B3GALT1: variants seen among roughly 807,000 people sequenced by gnomAD.
The protein encoded by B3GALT1 is UDP-Gal:betaGlcNAc beta 1,3-galactosyltransferase, polypeptide 1.
A neutral mutation model predicts 23.2 loss-of-function variants in B3GALT1; 10 were observed. The observed-to-expected ratio is 0.43, with a 90% CI of 0.27 to 0.73. B3GALT1 has a LOEUF of 0.73. B3GALT1 is among the 30% of genes least tolerant of loss of function. The probability of loss-of-function intolerance (pLI) is 0.21; values close to 1 mark genes in which losing one functional copy is unlikely to be tolerated. For synonymous variants in B3GALT1, 156 were observed against 141.5 expected, an observed-to-expected ratio of 1.10 and a Z score of -0.73; for missense variants, 299 against 405.4, an observed-to-expected ratio of 0.74 and a Z score of 2.25.
At chr2:167,370,224 A>G (rs1697660469) in intron 1 of B3GALT1, among the ~76,000 whole-genome samples, 1 of 151,974 alleles carries the variant, frequency 6.6e-6, no homozygotes. Flanking sequence ...AGTTTAGTTT[A>G]GATTCCCGCC....
intron 4 of B3GALT1, among the ~76,000 whole-genome samples, chr2:167,834,478 A>G (rs938173924): frequency 1.3e-5 from 2 of 152,236 alleles, no homozygotes; most frequent in African/African-American, 4.8e-5. Flanking sequence ...GAAGATGACA[A>G]GTCTCCTAAT....
intron 2 of B3GALT1, among the ~76,000 whole-genome samples, chr2:167,516,321 T>C (rs937038375): frequency 6.6e-6 from 1 of 152,148 alleles, no homozygotes; most frequent in Non-Finnish European, 1.5e-5. Context: ...CCTCAACACT[T>C]CTGCCTAAGC....
At chr2:167,667,257 T>G (rs1686216173) in intron 3 of B3GALT1, among the ~76,000 whole-genome samples, 1 of 152,184 alleles carries the variant, frequency 6.6e-6, no homozygotes, top group Non-Finnish European at 1.5e-5. Flanking sequence ...ATTCTTTTCT[T>G]TAAGAATGTT....
At chr2:167,809,652 C>G (rs917711111) in intron 3 of B3GALT1, among the ~76,000 whole-genome samples, 1 of 152,182 alleles carries the variant, frequency 6.6e-6, no homozygotes, top group Non-Finnish European at 1.5e-5. Flanking sequence ...GAAGTTTTGT[C>G]TCAGAGGAGT....
chr2:167,362,480 A>AT (rs1409539052), intron 1 of B3GALT1, among the ~76,000 whole-genome samples: 11 of 151,850 alleles, frequency 7.2e-5, no homozygotes, highest in Non-Finnish European at 5.9e-5. Flanking sequence ...TAATAAGAGC[A>AT]TTTTTCCGAA....
At chr2:167,463,237 G>A (rs1699292569) in intron 1 of B3GALT1, among the ~76,000 whole-genome samples, 1 of 151,902 alleles carries the variant, frequency 6.6e-6, no homozygotes, top group Non-Finnish European at 1.5e-5. Context: ...ATCTATAAGG[G>A]CAGAATCTTT....
intron 3 of B3GALT1, among the ~76,000 whole-genome samples, chr2:167,747,319 C>T (rs938143433): frequency 6.6e-6 from 1 of 152,090 alleles, no homozygotes; most frequent in East Asian, 1.9e-4. Context: ...AGGGCATTGC[C>T]CCTTATCAAA....
intron 3 of B3GALT1, among the ~76,000 whole-genome samples, chr2:167,772,561 G>T (rs928299758): frequency 6.6e-6 from 1 of 152,198 alleles, no homozygotes; most frequent in Admixed American, 6.5e-5. Context: ...TTTATAGCTT[G>T]TAGAAATGCT....
intron 1 of B3GALT1, among the ~76,000 whole-genome samples, chr2:167,459,667 A>G (rs1052755127): frequency 2.6e-5 from 4 of 152,152 alleles, no homozygotes; most frequent in Non-Finnish European, 4.4e-5. Flanking sequence ...AGCTTTTACA[A>G]TGGTTCATGG....
At chr2:167,562,320 G>T (rs967102985) in intron 2 of B3GALT1, among the ~76,000 whole-genome samples, 1 of 152,106 alleles carries the variant, frequency 6.6e-6, no homozygotes, top group Non-Finnish European at 1.5e-5. Context: ...AATAATAAGA[G>T]CTATCTATGA....
intron 3 of B3GALT1, chr2:167,713,906 T>TG (rs1687102247): frequency 2.5e-6 from 4 of 1,580,482 alleles, no homozygotes; most frequent in Middle Eastern, 1.7e-4. Flanking sequence ...TGGAGGAGGT[T>TG]GGGGGAAAGG....
intron 2 of B3GALT1, among the ~76,000 whole-genome samples, chr2:167,554,619 A>T (rs1204332196): frequency 6.6e-6 from 1 of 152,208 alleles, no homozygotes; most frequent in African/African-American, 2.4e-5. Flanking sequence ...ATGCAATAAG[A>T]GTAAAGACTA....
In B3GALT1 at chr2:167,873,006, A is replaced by G. The variant is rs1489856454; in HGVS notation, c.*2986A>G. Reference sequence around the variant, plus strand: ...TGTTCAAAAAATGTTTAAGTGATCAAGAAAAAGCTCTAACTTTCGACTTTT... The same window carrying G: ...TGTTCAAAAAATGTTTAAGTGATCAGGAAAAAGCTCTAACTTTCGACTTTT... On this transcript the variant is annotated 3_prime_UTR_variant, in exon 5 of 5. Coordinates refer to ENST00000392690, the MANE Select transcript of B3GALT1 (RefSeq NM_020981.4). The G allele has an allele frequency of 6.6e-6, 1 of 152,218 alleles. No homozygotes were observed. Among genetic ancestry groups the G allele is most frequent in the Non-Finnish European group, 1.5e-5 (1 of 68,040 alleles). The allele number at this position is 152,218 out of a possible 1,614,324, so 9.4% of individuals were successfully genotyped here.
chr2:167,661,849 AG>A (rs1171764522), intron 3 of B3GALT1, among the ~76,000 whole-genome samples: 7 of 152,142 alleles, frequency 4.6e-5, no homozygotes, highest in Non-Finnish European at 1.0e-4. Context: ...AGATGCTTTC[AG>A]GTTCCGGACT....
At chr2:167,564,415 AC>A (rs2105393856) in intron 2 of B3GALT1, among the ~76,000 whole-genome samples, 1 of 148,862 alleles carries the variant, frequency 6.7e-6, no homozygotes, top group African/African-American at 2.5e-5. Flanking sequence ...CACATCCCAG[AC>A]GATGGGCGGC....
intron 3 of B3GALT1, among the ~76,000 whole-genome samples, chr2:167,673,851 A>G (rs4667960): frequency 0.98 from 149,509 of 152,112 alleles, 73,531 homozygotes; most frequent in Middle Eastern, 1. Context: ...ATATTTTCAC[A>G]GACCTCTGAC....
At chr2:167,491,483 C>CTTTTTTTTTTTTTTTTT (rs35378344) in intron 2 of B3GALT1, among the ~76,000 whole-genome samples, 2 of 122,002 alleles carry the variant, frequency 1.6e-5, no homozygotes, top group East Asian at 4.7e-4. Flanking sequence ...TTTACTTTTG[C>CTTTTTTTTTTTTTTTTT]TTTTTTTTTT....
intron 3 of B3GALT1, among the ~76,000 whole-genome samples, chr2:167,661,809 G>T (rs1686064960): frequency 6.6e-6 from 1 of 152,002 alleles, no homozygotes; most frequent in Non-Finnish European, 1.5e-5. Context: ...TTAGTCAGGG[G>T]TTATAGAAAA....
intron 1 of B3GALT1, among the ~76,000 whole-genome samples, chr2:167,439,000 CTT>C (rs1698834523): frequency 6.6e-6 from 1 of 152,192 alleles, no homozygotes; most frequent in Admixed American, 6.5e-5. Context: ...CTGCCTGACA[CTT>C]TATCCAAGGA....
Sources: allele counts gnomAD v4.1 joint callset (sites outside exome capture counted in the v4.1 genomes callset), GRCh38; gene constraint gnomAD v4.1.1; transcripts MANE v1.5; gene names NCBI Gene and HGNC (gene_info 2026-07-23, HGNC 2026-07-21).